The following PRMT8 variants were observed in gnomAD, a reference collection of about 807,000 sequenced individuals.
PRMT8 encodes the protein protein arginine N-methyltransferase 8.
A neutral mutation model predicts 47.1 loss-of-function variants in PRMT8; 7 were observed. The ratio of observed to expected loss-of-function variants is 0.15; its 90% CI spans 0.08 to 0.28. The LOEUF (loss-of-function observed/expected upper bound fraction) is 0.28. Among genes scored for constraint, PRMT8 ranks in the 10% least tolerant of loss-of-function variants. The pLI, the probability that PRMT8 is intolerant of heterozygous loss-of-function variation, is 1.00. For missense variants in PRMT8, 237 were observed against 505.4 expected (o/e 0.47, Z 5.09); for synonymous variants, 188 against 186.5 (o/e 1.01, Z -0.07).
upstream of PRMT8, among the ~76,000 whole-genome samples, chr12:3,486,702 G>A (rs1865326589): frequency 6.6e-6 from 1 of 152,190 alleles, no homozygotes; most frequent in Non-Finnish European, 1.5e-5. Flanking sequence ...CATCCTTAGA[G>A]AAAGGTAGGT....
rs545714788 is a variant in PRMT8, at chr12:3,533,842, A to T, written c.76-6764A>T. On this transcript the variant is annotated intron_variant, in intron 1 of 9. Coordinates refer to ENST00000382622, the MANE Select transcript of PRMT8 (RefSeq NM_019854.5). ...CTTGCTGCTGCCTGACATTTCACAT[A>T]AGAATGTTCTTTTTTTCTGCAAACC... 8.5e-5 allele frequency among the ~76,000 whole-genome samples: 13 copies of T among 152,348 alleles called. No homozygotes were observed. The East Asian group carries it at 2.5e-3, about 29-fold the overall frequency.
In PRMT8 at chr12:3,436,880, T is replaced by G. The variant is rs1864749090; in HGVS notation, c.48+55438T>G. 6.6e-6 allele frequency among the ~76,000 whole-genome samples: 1 copy of G among 152,238 alleles called. No individual in the cohort carries two copies. Among genetic ancestry groups the G allele is most frequent in the Non-Finnish European group, 1.5e-5 (1 of 68,034 alleles). On this transcript the variant is annotated intron_variant, in intron 1 of 9. Transcript: ENST00000452611. The surrounding 1 kb of genome is among the most constrained non-coding windows in gnomAD (Gnocchi z 4.2). ...CAAGCACAGGCTCTGCATTCCTGCT[T>G]CTGGGCAGCCTGCCCAGCTGGTGGG...
chr12:3,413,693 T>G (rs1864455051), intron 1 of PRMT8, among the ~76,000 whole-genome samples: 2 of 152,170 alleles, frequency 1.3e-5, no homozygotes, highest in South Asian at 4.1e-4. Context: ...TGTAGTCTTG[T>G]GGGACTACCA....
Position 3,453,229 on chromosome 12 carries a change from C to G in PRMT8, c.48+71787C>G, listed in dbSNP as rs1864939632. Among the ~76,000 whole-genome samples, 1 of 152,128 alleles carries G rather than the reference C, an allele frequency of 6.6e-6. No homozygotes were observed. The highest frequency in any genetic ancestry group is 1.5e-5 in the Non-Finnish European group (1 of 68,004). On this transcript the variant is annotated intron_variant, in intron 1 of 9. Coordinates refer to the PRMT8 transcript ENST00000452611. The surrounding 1 kb of genome is among the most constrained non-coding windows in gnomAD (Gnocchi z 4.9). The stretch of plus-strand genomic sequence containing the variant: ...AAAGGGTGCAGGGAAGCCACGGTTC[C>G]TTCCCTCCCCACGCCCCTCGCTCAC...
intron 1 of PRMT8, among the ~76,000 whole-genome samples, chr12:3,540,011 C>T (rs766971123): frequency 3.9e-5 from 6 of 152,150 alleles, no homozygotes; most frequent in Admixed American, 1.3e-4. Flanking sequence ...GGTGGGACTT[C>T]GTTTCCTCTA....
In PRMT8 at chr12:3,550,263, C is replaced by T; in HGVS notation, c.417+172C>T. The T allele has an allele frequency of 1.4e-6, 1 of 721,976 alleles. No homozygotes were observed. Among genetic ancestry groups the T allele is most frequent in the Non-Finnish European group, 2.2e-6 (1 of 446,242 alleles). The allele number at this position is 721,976 out of a possible 1,614,324, so 44.7% of individuals were successfully genotyped here. On this transcript the variant is annotated intron_variant, in intron 3 of 9. Transcript: ENST00000382622. The surrounding 1 kb of genome is among the most constrained non-coding windows in gnomAD (Gnocchi z 5.1). ...ACTCTCAGGAAGGGGAGCAGGCTGC[C>T]TGTCCCCTGTGCATGGCTCCTGGAT...
At chr12:3,418,424 G>A (rs907090472) in intron 1 of PRMT8, among the ~76,000 whole-genome samples, 5 of 152,224 alleles carry the variant, frequency 3.3e-5, no homozygotes, top group Admixed American at 2.0e-4. Flanking sequence ...GCCAATCTTG[G>A]TTCTTGTCAT....
intron 1 of PRMT8, among the ~76,000 whole-genome samples, chr12:3,410,943 T>C (rs1231701429): frequency 6.6e-6 from 1 of 152,232 alleles, no homozygotes; most frequent in Non-Finnish European, 1.5e-5. Context: ...ATAGTAGTAA[T>C]TTGAGGTTCT....
At chr12:3,434,921 G>A (rs543141538) in intron 1 of PRMT8, among the ~76,000 whole-genome samples, 14 of 151,238 alleles carry the variant, frequency 9.3e-5, no homozygotes, top group Admixed American at 7.9e-4. Context: ...GCCAGACAAA[G>A]ATCTCAGAGG....
intron 1 of PRMT8, among the ~76,000 whole-genome samples, chr12:3,483,170 C>T (rs1865290567): frequency 1.3e-5 from 2 of 152,192 alleles, no homozygotes; most frequent in Admixed American, 1.3e-4. Context: ...CCACGGGAAG[C>T]ACACAGCACA....
chr12:3,404,085 T>G (rs1454811851), intron 1 of PRMT8, among the ~76,000 whole-genome samples: 2 of 152,102 alleles, frequency 1.3e-5, no homozygotes, highest in African/African-American at 4.8e-5. Context: ...CATAGTTACT[T>G]AAGAATGTTT....
At chr12:3,490,584 C>G (rs11062683), upstream of PRMT8, among the ~76,000 whole-genome samples, 1 of 150,706 alleles carries the variant, frequency 6.6e-6, no homozygotes, top group Non-Finnish European at 1.5e-5. Flanking sequence ...TTGACTTTCT[C>G]CCACCCTCTT....
chr12:3,582,100 A>T (rs553484280), intron 7 of PRMT8, among the ~76,000 whole-genome samples: 6 of 152,248 alleles, frequency 3.9e-5, no homozygotes, highest in Admixed American at 3.9e-4. Context: ...TTGCTGCGCA[A>T]CCTTGACTAA....
intron 1 of PRMT8, among the ~76,000 whole-genome samples, chr12:3,383,352 G>A (rs116861932): frequency 7.9e-4 from 120 of 152,238 alleles, no homozygotes; most frequent in African/African-American, 2.7e-3. Flanking sequence ...AACCATGAAC[G>A]CAATGTGTCT....
rs906855192 is a variant in PRMT8 at position 3,418,664 on chromosome 12, C to T, written c.48+37222C>T. ...AGTTGTCAACTTTGACTCTAGCTAC[C>T]TCACCCCACTTTACTGGGTCCTAAC... On this transcript the variant is annotated intron_variant, in intron 1 of 9. Transcript: ENST00000452611. 2.0e-5 allele frequency among the ~76,000 whole-genome samples: 3 copies of T among 152,144 alleles called. No individual in the cohort carries two copies. In the South Asian group the frequency reaches 6.2e-4, roughly 32 times the overall value.
intron 8 of PRMT8, 79 bp from the exon 9 acceptor site, chr12:3,592,152 G>T: frequency 6.9e-7 from 1 of 1,457,858 alleles, no homozygotes; most frequent in Middle Eastern, 1.8e-4. Context: ...CAACTTCTAT[G>T]CAGGGTCCCA....
At position 3,514,203 on chromosome 12, in the gene PRMT8, C is replaced by T. The variant is rs1265028078; in HGVS notation, c.75+22503C>T. 1.3e-5 allele frequency among the ~76,000 whole-genome samples: 2 copies of T among 150,386 alleles called. No homozygotes were observed. Among genetic ancestry groups the T allele is most frequent in the African/African-American group, 4.9e-5 (2 of 40,656 alleles). ...GCAGATGTTCTAGCCTCTCTGAATT[C>T]ATCCTGCCTTTTTTTTTTTTTTCTG... On this transcript the variant is annotated intron_variant, in intron 1 of 9. Transcript: ENST00000382622. This position sits in a 1 kb window ranked among gnomAD's most constrained non-coding sequence, Gnocchi z 5.9.
chr12:3,532,729 A>C (rs1253042184), intron 1 of PRMT8, among the ~76,000 whole-genome samples: 2 of 152,006 alleles, frequency 1.3e-5, no homozygotes, highest in African/African-American at 2.4e-5. Context: ...CAATGTGGGA[A>C]AATGTTACTC....
chr12:3,425,472 A>G (rs1385892985), intron 1 of PRMT8, among the ~76,000 whole-genome samples: 4 of 152,222 alleles, frequency 2.6e-5, no homozygotes, highest in Admixed American at 2.6e-4. Context: ...TTTCTCTTTG[A>G]CACAGATAGT....
Sources: gnomAD v4.1 joint callset for allele counts (sites outside exome capture counted in the v4.1 genomes callset) on GRCh38, gnomAD v4.1.1 for gene constraint, Gnocchi (gnomAD v3.1) non-coding constraint, MANE v1.5 for transcripts, NCBI Gene and HGNC (gene_info 2026-07-23, HGNC 2026-07-21) for gene names.